DDX39A: variants seen among roughly 807,000 people sequenced by gnomAD.
The protein encoded by DDX39A is ATP-dependent RNA helicase DDX39A.
Under a neutral mutation model 46.3 loss-of-function variants are expected in DDX39A, and 13 were observed. That is an observed-to-expected ratio of 0.28 (90% CI 0.18 to 0.45). The LOEUF (loss-of-function observed/expected upper bound fraction) is 0.45, where lower values mean the gene tolerates loss of function less well. Among genes scored for constraint, DDX39A ranks in the 20% least tolerant of loss-of-function variants. The probability of loss-of-function intolerance (pLI) is 1.00; values close to 1 mark genes in which losing one functional copy is unlikely to be tolerated. For synonymous variants in DDX39A, 234 were observed against 224.6 expected (o/e 1.04, Z -0.38); for missense variants, 352 against 581.8 (o/e 0.61, Z 4.06).
Position 14,409,217 on chromosome 19 carries a change from G to T in DDX39A, c.1120-33C>A, listed in dbSNP as rs752093168. The T allele has an allele frequency of 1.2e-6, 2 of 1,613,934 alleles. No homozygotes were observed. Among genetic ancestry groups the T allele is most frequent in the Non-Finnish European group, 1.7e-6 (2 of 1,179,828 alleles). On this transcript the variant is annotated intron_variant, in intron 9 of 10. Transcript: ENST00000242776. This position sits in a 1 kb window ranked among gnomAD's most constrained non-coding sequence, Gnocchi z 8.3. Reference sequence around the variant, plus strand: ...CAGACAGGATCAGGGTCAGGCCACAGATACTACCTCAGGACTTGAGGAAAA... The same window carrying T: ...CAGACAGGATCAGGGTCAGGCCACATATACTACCTCAGGACTTGAGGAAAA...
At position 14,413,229 on chromosome 19, in the gene DDX39A, G is replaced by C; in HGVS notation, c.-4-5C>G. ...ACATCCTGTTCTGCCATGATGCTGA[G>C]AAGAGAGAGAGGCAGGGTCCCGCGA... On this transcript the variant is annotated splice_region_variant and splice_polypyrimidine_tract_variant and intron_variant, in intron 1 of 10. Transcript: ENST00000242776. 1 of 1,612,444 alleles carries C rather than the reference G, an allele frequency of 6.2e-7. No homozygotes were observed. The highest frequency in any genetic ancestry group is 1.7e-4 in the Middle Eastern group (1 of 6,046).
In DDX39A at chr19:14,410,951, C is replaced by T. The variant is rs757249977; in HGVS notation, c.613+38G>A. 33 of 1,507,118 alleles carry T rather than the reference C, an allele frequency of 2.2e-5. No homozygotes were observed. The highest frequency in any genetic ancestry group is 2.2e-4 in the Middle Eastern group (1 of 4,618). 93.4% of individuals were successfully genotyped at this position (1,507,118 alleles called of 1,614,324 possible). ...GCCTGCTATGGGGCCCGCCTAGTCA[C>T]TGACTCTCAGCTGGGGCTGCAAGGG... On this transcript the variant is annotated intron_variant, in intron 5 of 10. Transcript: ENST00000242776. This position sits in a 1 kb window ranked among gnomAD's most constrained non-coding sequence, Gnocchi z 4.3.
At chr19:14,413,381 C>G (rs1245391158) in intron 1 of DDX39A, among the ~76,000 whole-genome samples, 157 bp from the exon 2 acceptor site, 6 of 152,052 alleles carry the variant, frequency 3.9e-5, no homozygotes, top group Non-Finnish European at 5.9e-5. Context: ...CTCCCCACCC[C>G]CAAGCTACCC....
Position 14,412,823 on chromosome 19 carries a change from T to A in DDX39A, c.209-145A>T. On this transcript the variant is annotated intron_variant, in intron 2 of 10. Coordinates refer to ENST00000242776, the MANE Select transcript of DDX39A (RefSeq NM_005804.4). This position sits in a 1 kb window ranked among gnomAD's most constrained non-coding sequence, Gnocchi z 4.4. ...CACAGACACCTGCAGGGCTGGGGTA[T>A]CCGCCTGGTCAAAGCAGAACGCCCC... 2 of 1,307,476 alleles carry A rather than the reference T, an allele frequency of 1.5e-6. No individual in the cohort carries two copies. Among genetic ancestry groups the A allele is most frequent in the African/African-American group, 1.5e-5 (1 of 67,614 alleles). 81.0% of individuals were successfully genotyped at this position (1,307,476 alleles called of 1,614,324 possible). A position where few individuals can be genotyped will look rare whatever the true frequency, so the allele number is the denominator to read the frequency against.
intron 1 of DDX39A, chr19:14,418,927 AC>A (rs1300822117): frequency 4.4e-6 from 2 of 455,786 alleles, no homozygotes; most frequent in Non-Finnish European, 8.8e-6. Flanking sequence ...CCCCGGCGTC[AC>A]CCCCTCGTCC....
In DDX39A at chr19:14,409,297, G is replaced by A. The variant is rs557071355; in HGVS notation, c.1119+6C>T. The A allele has an allele frequency of 1.2e-6, 2 of 1,614,190 alleles. No individual in the cohort carries two copies. Among genetic ancestry groups the A allele is most frequent in the Non-Finnish European group, 1.7e-6 (2 of 1,180,028 alleles). On this transcript the variant is annotated splice_donor_region_variant and intron_variant, in intron 9 of 10. Transcript: ENST00000242776. This position sits in a 1 kb window ranked among gnomAD's most constrained non-coding sequence, Gnocchi z 8.3. ...GGGAAAGCAACATGCCCGTGAGGCTGCTCACCCGGTGCAGGTAGGTGTCCG... is the reference window on the plus strand; with the variant it reads ...GGGAAAGCAACATGCCCGTGAGGCTACTCACCCGGTGCAGGTAGGTGTCCG...
At position 14,411,537 on chromosome 19, in the gene DDX39A, T is replaced by A; in HGVS notation, c.398A>T (p.Glu133Val). ...ELAFQISKEY[E>V]RFSKYMPSVK... The stretch of plus-strand genomic sequence containing the variant: ...GCTGGGCATGTACTTGGAAAAGCGC[T>A]CATATTCCTTGCTGATCTGGAAGGC... Residue 133 changes from glutamate to valine, a missense_variant, in exon 4 of 11, where the codon GAG (glutamate) becomes GTG (valine). Around this residue, in one of 3 missense-constraint regions of DDX39A, gnomAD observed 301 missense variants for 469.9 expected, o/e 0.64. Transcript: ENST00000242776. This position sits in a 1 kb window ranked among gnomAD's most constrained non-coding sequence, Gnocchi z 4.1. 6.2e-7 allele frequency: 1 copy of A among 1,614,102 alleles called. No individual in the cohort carries two copies.
rs1163256912 is a variant in DDX39A, at chr19:14,409,708, C to T, written c.864+34G>A. ...TGTGGCCCAGTGACCTCCCGAAGGT[C>T]CTGAGCCCCAGGACAGGCTGATGGA... is the stretch of plus-strand genomic sequence containing the variant. On this transcript the variant is annotated intron_variant, in intron 7 of 10. Transcript: ENST00000242776. This position sits in a 1 kb window ranked among gnomAD's most constrained non-coding sequence, Gnocchi z 8.3. 1 of 1,613,172 alleles carries T rather than the reference C, an allele frequency of 6.2e-7. No individual in the cohort carries two copies. The highest frequency in any genetic ancestry group is 8.5e-7 in the Non-Finnish European group (1 of 1,179,224).
Position 14,408,900 on chromosome 19 carries a change from G to C in DDX39A, c.*36C>G, listed in dbSNP as rs375322648. The C allele has an allele frequency of 1.8e-5, 28 of 1,558,052 alleles. No homozygotes were observed. Among genetic ancestry groups the C allele is most frequent in the Non-Finnish European group, 2.2e-5 (25 of 1,150,950 alleles). ...GGAAAGGGGAGGTGAAGCTGCATGC[G>C]GGCGGCTCCGGGTGGGCGGCTCTGG... On this transcript the variant is annotated 3_prime_UTR_variant, in exon 11 of 11. Transcript: ENST00000242776.
rs187461086 is a variant in DDX39A, at chr19:14,417,927, T to C, written c.-5+1343A>G. Among the ~76,000 whole-genome samples, 1,419 of 151,996 alleles carry C rather than the reference T, an allele frequency of 9.3e-3. 4 individuals are homozygous for C. Among genetic ancestry groups the C allele is most frequent in the Admixed American group, 0.014 (211 of 15,266 alleles). On this transcript the variant is annotated intron_variant, in intron 1 of 10. Transcript: ENST00000242776. Reference sequence around the variant, plus strand: ...GCTCATGCCTGTAATCCCAGCACTTTGGGAGGCGAAGCGGGCGGATCACTT... The same window carrying C: ...GCTCATGCCTGTAATCCCAGCACTTCGGGAGGCGAAGCGGGCGGATCACTT...
In DDX39A at chr19:14,409,120, T is replaced by C. The variant is rs1196077334; in HGVS notation, c.1184A>G (p.Asp395Gly). 1 of 1,614,196 alleles carries C rather than the reference T, an allele frequency of 6.2e-7. No homozygotes were observed. Among genetic ancestry groups the C allele is most frequent in the South Asian group, 1.1e-5 (1 of 91,084 alleles). The change falls in exon 10 of 11, where the codon GAT becomes GGT. Residue 395 changes from aspartate to glycine, a missense_variant. Around this residue, in one of 3 missense-constraint regions of DDX39A, gnomAD observed 301 missense variants for 469.9 expected, o/e 0.64. Transcript: ENST00000242776. The surrounding 1 kb of genome is among the most constrained non-coding windows in gnomAD (Gnocchi z 8.3). ...LAITFVSDEN[D>G]AKILNDVQDR... ...CTGGACGTCATTGAGGATTTTGGCA[T>C]CATTCTCGTCAGACACAAAAGTGAT...
At chr19:14,413,640 T>G (rs764553945) in intron 1 of DDX39A, among the ~76,000 whole-genome samples, 10 of 152,236 alleles carry the variant, frequency 6.6e-5, no homozygotes, top group Non-Finnish European at 1.0e-4. Context: ...CCCAGGTCTC[T>G]GCACAAATGC....
rs1294770458 is a variant in DDX39A, at chr19:14,413,239, A to AGG, written c.-4-17_-4-16dup. On this transcript the variant is annotated splice_polypyrimidine_tract_variant and intron_variant, in intron 1 of 10. Transcript: ENST00000242776. ...CTGCCATGATGCTGAGAAGAGAGAG[A>AGG]GGCAGGGTCCCGCGAGTGGGCACAG... is the stretch of plus-strand genomic sequence containing the variant. The AGG allele has an allele frequency of 6.2e-6, 10 of 1,610,016 alleles. No individual in the cohort carries two copies. The Admixed American group carries it at 1.3e-4, about 22-fold the overall frequency.
In DDX39A at chr19:14,409,032, C is replaced by T. The variant is rs199718078; in HGVS notation, c.1267+5G>A. Reference sequence around the variant, plus strand: ...CAGACCCCTGGCCCTGCCCAAGGCACTTACTGTATGTGGAGATGTCGATTT... The same window carrying T: ...CAGACCCCTGGCCCTGCCCAAGGCATTTACTGTATGTGGAGATGTCGATTT... On this transcript the variant is annotated splice_donor_5th_base_variant and intron_variant, in intron 10 of 10. Transcript: ENST00000242776. The surrounding 1 kb of genome is among the most constrained non-coding windows in gnomAD (Gnocchi z 8.3). 1.2e-6 allele frequency: 2 copies of T among 1,614,218 alleles called. No homozygotes were observed. The highest frequency in any genetic ancestry group is 1.1e-5 in the South Asian group (1 of 91,086).
At chr19:14,415,481 G>C (rs975933191) in intron 1 of DDX39A, among the ~76,000 whole-genome samples, 5 of 151,914 alleles carry the variant, frequency 3.3e-5, no homozygotes, top group African/African-American at 1.2e-4. Context: ...ATTTGTAACA[G>C]AGATGGGGTT....
chr19:14,417,773 G>A (rs1330670577), intron 1 of DDX39A, among the ~76,000 whole-genome samples: 3 of 152,180 alleles, frequency 2.0e-5, no homozygotes, highest in Non-Finnish European at 4.4e-5. Context: ...GCTGTGCCGG[G>A]AGGATCGCTT....
chr19:14,410,959 C>A lies in DDX39A; in HGVS notation c.613+30G>T. ...TGGGGCCCGCCTAGTCACTGACTCT[C>A]AGCTGGGGCTGCAAGGGCAGAGGAC... On this transcript the variant is annotated intron_variant, in intron 5 of 10. Coordinates refer to ENST00000242776, the MANE Select transcript of DDX39A (RefSeq NM_005804.4). The surrounding 1 kb of genome is among the most constrained non-coding windows in gnomAD (Gnocchi z 4.3). 1 of 1,519,688 alleles carries A rather than the reference C, an allele frequency of 6.6e-7. No individual in the cohort carries two copies. Among genetic ancestry groups the A allele is most frequent in the South Asian group, 1.3e-5 (1 of 78,606 alleles). The allele number at this position is 1,519,688 out of a possible 1,614,324, so 94.1% of individuals were successfully genotyped here. A position where few individuals can be genotyped will look rare whatever the true frequency, so the allele number is the denominator to read the frequency against.
intron 1 of DDX39A, 52 bp downstream of exon 1, chr19:14,419,218 T>C (rs1183700642): frequency 6.1e-6 from 2 of 327,806 alleles, no homozygotes; most frequent in Non-Finnish European, 1.2e-5. Context: ...CCTCTCGCTC[T>C]CAGTTCAGAC....
At position 14,411,498 on chromosome 19, in the gene DDX39A, G is replaced by A. The variant is rs1174519002; in HGVS notation, c.429+8C>T. On this transcript the variant is annotated splice_region_variant and intron_variant, in intron 4 of 10. Coordinates refer to ENST00000242776, the MANE Select transcript of DDX39A (RefSeq NM_005804.4). The surrounding 1 kb of genome is among the most constrained non-coding windows in gnomAD (Gnocchi z 4.1). ...GGCGCCTGGTCCAGTCTGGCCCGAGGGACTCACCTTGACGCTGGGCATGTA... is the reference window on the plus strand; with the variant it reads ...GGCGCCTGGTCCAGTCTGGCCCGAGAGACTCACCTTGACGCTGGGCATGTA... The A allele has an allele frequency of 6.2e-7, 1 of 1,613,394 alleles. No individual in the cohort carries two copies.
Sources: gnomAD v4.1 joint callset for allele counts (sites outside exome capture counted in the v4.1 genomes callset) on GRCh38, gnomAD v4.1.1 for gene constraint, gnomAD v4.1.1 regional missense constraint, Gnocchi (gnomAD v3.1) non-coding constraint, MANE v1.5 for transcripts, NCBI Gene and HGNC (gene_info 2026-07-23, HGNC 2026-07-21) for gene names.